The following LRRC37A2 variants were observed in gnomAD, a reference collection of about 807,000 sequenced individuals.
LRRC37A2 encodes leucine rich repeat containing 37 member A2.
A neutral mutation model predicts 68.8 loss-of-function variants in LRRC37A2; 9 were observed. The ratio of observed to expected loss-of-function variants is 0.13; its 90% CI spans 0.08 to 0.23. The LOEUF (loss-of-function observed/expected upper bound fraction) is 0.23. Among genes scored for constraint, LRRC37A2 ranks in the 10% least tolerant of loss-of-function variants. The probability of loss-of-function intolerance (pLI) is 1.00; values close to 1 mark genes in which losing one functional copy is unlikely to be tolerated. For synonymous variants in LRRC37A2, 63 were observed against 367.6 expected, an observed-to-expected ratio of 0.17 and a Z score of 9.48; for missense variants, 168 against 950.4, an observed-to-expected ratio of 0.18 and a Z score of 10.82.
the LRRC37A2 span, chr17:46,874,990 C>G: frequency 6.5e-7 from 1 of 1,543,400 alleles, no homozygotes; most frequent in Non-Finnish European, 9.0e-7. Flanking sequence ...CCCATCACAG[C>G]GCTGCCACCA....
At chr17:46,896,406 G>GA in the LRRC37A2 span, among the ~76,000 whole-genome samples, 1 of 70,666 alleles carries the variant, frequency 1.4e-5, no homozygotes, top group Admixed American at 1.5e-4. Flanking sequence ...AAGAAAGAAA[G>GA]AAAGAAAGAA....
chr17:46,558,826 CTCTTT>C (rs1314397600), downstream of LRRC37A2: 2 of 117,352 alleles, frequency 1.7e-5, no homozygotes, highest in African/African-American at 6.5e-5. Flanking sequence ...AAAAAGGGAC[CTCTTT>C]TATTCTTTTT....
At chr17:46,745,843 T>C in the LRRC37A2 span, among the ~76,000 whole-genome samples, 1 of 152,270 alleles carries the variant, frequency 6.6e-6, no homozygotes, top group Non-Finnish European at 1.5e-5. Context: ...CTTTTTGTTA[T>C]AGTAAAAATG....
chr17:46,470,631 T>C, the LRRC37A2 span, among the ~76,000 whole-genome samples: 1 of 85,982 alleles, frequency 1.2e-5, no homozygotes. Flanking sequence ...CTGGGCAACA[T>C]AGTGAGACCT....
At chr17:46,530,384 G>A (rs1257449659) in intron 6 of LRRC37A2, among the ~76,000 whole-genome samples, 1 of 144,544 alleles carries the variant, frequency 6.9e-6, no homozygotes, top group Non-Finnish European at 1.5e-5. Flanking sequence ...CTTTCTCTTT[G>A]TAACATCATC....
At chr17:46,898,109 C>T in the LRRC37A2 span, among the ~76,000 whole-genome samples, 1 of 152,158 alleles carries the variant, frequency 6.6e-6, no homozygotes, top group Non-Finnish European at 1.5e-5. Context: ...GGGCCTGGCC[C>T]ATCCTAATTG....
chr17:46,923,348 G>A, the LRRC37A2 span: 1 of 1,519,704 alleles, frequency 6.6e-7, no homozygotes, highest in Non-Finnish European at 8.8e-7. Flanking sequence ...GCACTGCTGG[G>A]GATGCCTCCG....
chr17:46,940,281 C>A, the LRRC37A2 span: 2 of 1,433,994 alleles, frequency 1.4e-6, no homozygotes, highest in Non-Finnish European at 1.8e-6. Context: ...ATTGTTCCTA[C>A]CCCTCCGGGC....
chr17:46,822,815 C>T, the LRRC37A2 span, among the ~76,000 whole-genome samples: 2 of 152,022 alleles, frequency 1.3e-5, no homozygotes, highest in Non-Finnish European at 2.9e-5. Flanking sequence ...CAGATCCACC[C>T]TGCGGATGCC....
chr17:46,873,100 A>G, the LRRC37A2 span, among the ~76,000 whole-genome samples: 1 of 147,946 alleles, frequency 6.8e-6, no homozygotes, highest in African/African-American at 2.5e-5. Flanking sequence ...ACACACACAC[A>G]CACACACACA....
the LRRC37A2 span, among the ~76,000 whole-genome samples, chr17:46,988,706 C>T: frequency 2.6e-5 from 4 of 152,030 alleles, no homozygotes; most frequent in Non-Finnish European, 4.4e-5. Flanking sequence ...GGGATGTGCA[C>T]GTGACAGTGT....
the LRRC37A2 span, among the ~76,000 whole-genome samples, chr17:46,872,034 C>A: frequency 1.3e-5 from 2 of 152,132 alleles, no homozygotes; most frequent in Middle Eastern, 3.2e-3. Flanking sequence ...ATGTCCACAT[C>A]CCCTCTGCCT....
the LRRC37A2 span, among the ~76,000 whole-genome samples, chr17:46,734,137 T>C: frequency 6.6e-6 from 1 of 152,220 alleles, no homozygotes. Context: ...CTTGGTATCT[T>C]GATAATATTA....
At chr17:46,392,427 T>C in the LRRC37A2 span, among the ~76,000 whole-genome samples, 23 of 51,678 alleles carry the variant, frequency 4.5e-4, no homozygotes, top group African/African-American at 1.5e-3. Context: ...CTCTCTTTCT[T>C]TCTCTCTTTC....
the LRRC37A2 span, among the ~76,000 whole-genome samples, chr17:46,737,656 G>A: frequency 1.8e-3 from 274 of 152,098 alleles, 1 homozygote; most frequent in African/African-American, 6.1e-3. Flanking sequence ...TCCAGGGTGG[G>A]AGAAAGATGT....
chr17:46,973,865 G>A, the LRRC37A2 span, among the ~76,000 whole-genome samples: 4 of 152,090 alleles, frequency 2.6e-5, no homozygotes, highest in South Asian at 4.2e-4. Flanking sequence ...ATGCTGGATG[G>A]GGGCCATTTC....
At chr17:46,923,110 G>A in the LRRC37A2 span, 12 of 992,830 alleles carry the variant, frequency 1.2e-5, no homozygotes, top group Non-Finnish European at 1.9e-5. Flanking sequence ...TCCTGCGACC[G>A]GAAGCCGGAA....
At chr17:46,809,714 G>T in the LRRC37A2 span, among the ~76,000 whole-genome samples, 1 of 152,158 alleles carries the variant, frequency 6.6e-6, no homozygotes, top group African/African-American at 2.4e-5. Context: ...AGTGGTTTTT[G>T]CATTAGGCCA....
At chr17:46,931,702 A>C in the LRRC37A2 span, 4 of 326,794 alleles carry the variant, frequency 1.2e-5, no homozygotes, top group South Asian at 1.4e-4. Context: ...AACTTTGTGG[A>C]TGCTTTACCT....
Sources: gnomAD v4.1 joint callset for allele counts (sites outside exome capture counted in the v4.1 genomes callset) on GRCh38, gnomAD v4.1.1 for gene constraint, MANE v1.5 for transcripts, NCBI Gene and HGNC (gene_info 2026-07-23, HGNC 2026-07-21) for gene names.